UNC5D: variants seen among roughly 807,000 people sequenced by gnomAD.
UNC5D encodes netrin receptor UNC5D.
A neutral mutation model predicts 105.4 loss-of-function variants in UNC5D; 39 were observed. The observed-to-expected ratio is 0.37, with a 90% CI of 0.29 to 0.48. The LOEUF (loss-of-function observed/expected upper bound fraction) is 0.48. Ranked by LOEUF, UNC5D falls within the 20% of genes least tolerant of loss-of-function variation. The probability of loss-of-function intolerance (pLI) is 0.98; values close to 1 mark genes in which losing one functional copy is unlikely to be tolerated. For synonymous variants in UNC5D, 452 were observed against 450.4 expected (o/e 1.00, Z -0.04); for missense variants, 991 against 1,202.4 (o/e 0.82, Z 2.60).
chr8:35,723,832 A>G (rs1049264094), intron 9 of UNC5D, among the ~76,000 whole-genome samples: 4 of 152,144 alleles, frequency 2.6e-5, no homozygotes, highest in African/African-American at 9.7e-5. Flanking sequence ...AGTTTTGTGC[A>G]TAAGTCCGTA....
intron 1 of UNC5D, among the ~76,000 whole-genome samples, chr8:35,389,241 C>T (rs904828847): frequency 9.2e-5 from 14 of 152,156 alleles, no homozygotes; most frequent in African/African-American, 2.9e-4. Flanking sequence ...ATTGAGAAAT[C>T]CTGCATTATT....
chr8:35,329,400 GATATATATATATAT>G (rs36221011), intron 1 of UNC5D, among the ~76,000 whole-genome samples: 2 of 147,384 alleles, frequency 1.4e-5, no homozygotes, highest in South Asian at 2.2e-4. Flanking sequence ...TTATTGGGTT[GATATATATATATAT>G]ATATATATAT....
chr8:35,343,906 C>A (rs932631141), intron 1 of UNC5D, among the ~76,000 whole-genome samples: 1 of 152,066 alleles, frequency 6.6e-6, no homozygotes, highest in African/African-American at 2.4e-5. Context: ...AAGTTATTAA[C>A]CTATACGAGA....
chr8:35,246,096 G>A (rs1803076868), intron 1 of UNC5D, among the ~76,000 whole-genome samples: 1 of 152,100 alleles, frequency 6.6e-6, no homozygotes, highest in Non-Finnish European at 1.5e-5. Context: ...ACAATTATGT[G>A]TACTTGAAAC....
At chr8:35,412,962 T>C (rs1258573882) in intron 1 of UNC5D, among the ~76,000 whole-genome samples, 1 of 152,120 alleles carries the variant, frequency 6.6e-6, no homozygotes, top group East Asian at 1.9e-4. Flanking sequence ...ATAACACACG[T>C]GTGGGTCTCA....
chr8:35,686,804 G>A lies in UNC5D; in HGVS notation c.1084+95G>A. On this transcript the variant is annotated intron_variant, in intron 7 of 16. Transcript: ENST00000404895. The stretch of plus-strand genomic sequence containing the variant: ...TACAGCCATTAATGTGGTTAAATAA[G>A]TTAGCAGAAAGCCAAGCTGCTAAGG... The A allele has an allele frequency of 1.1e-5, 16 of 1,460,598 alleles. No individual in the cohort carries two copies. The South Asian group carries it at 2.2e-4, about 20-fold the overall frequency. The allele number at this position is 1,460,598 out of a possible 1,614,324, so 90.5% of individuals were successfully genotyped here.
At chr8:35,755,257 A>G (rs7840766) in intron 13 of UNC5D, among the ~76,000 whole-genome samples, 11,418 of 152,202 alleles carry the variant, frequency 0.075, 1,170 homozygotes, top group African/African-American at 0.23. Flanking sequence ...AAGAAAGAAA[A>G]TAGAAAAAAA....
intron 4 of UNC5D, among the ~76,000 whole-genome samples, chr8:35,595,874 G>A (rs1487621880): frequency 6.6e-6 from 1 of 152,196 alleles, no homozygotes; most frequent in Non-Finnish European, 1.5e-5. Context: ...CAAGGCCCTT[G>A]GTAGGCAGCC....
chr8:35,689,895 A>G (rs1826269924), intron 7 of UNC5D, among the ~76,000 whole-genome samples: 3 of 152,228 alleles, frequency 2.0e-5, no homozygotes. Context: ...AAGTTGGCAC[A>G]TAAAATTAAC....
At chr8:35,672,060 CT>C (rs529292576) in intron 4 of UNC5D, among the ~76,000 whole-genome samples, 31 of 152,050 alleles carry the variant, frequency 2.0e-4, no homozygotes, top group African/African-American at 7.5e-4. Flanking sequence ...TATTTTTATT[CT>C]TTGTAGACTT....
At chr8:35,454,927 T>C (rs1215056579) in intron 1 of UNC5D, among the ~76,000 whole-genome samples, 1 of 152,208 alleles carries the variant, frequency 6.6e-6, no homozygotes, top group Non-Finnish European at 1.5e-5. Context: ...AGAAGTCATT[T>C]AGAAGTCAAA....
intron 1 of UNC5D, among the ~76,000 whole-genome samples, chr8:35,368,162 A>G (rs1228568877): frequency 1.3e-5 from 2 of 152,218 alleles, no homozygotes; most frequent in Admixed American, 1.3e-4. Flanking sequence ...ATTTAGATTG[A>G]AAACATTATC....
intron 4 of UNC5D, among the ~76,000 whole-genome samples, chr8:35,674,016 G>GTT (rs1355937786): frequency 6.6e-6 from 1 of 152,146 alleles, no homozygotes; most frequent in East Asian, 1.9e-4. Flanking sequence ...GCTTGAGTAA[G>GTT]TTTTTGATGT....
At chr8:35,616,499 G>A (rs1056399204) in intron 4 of UNC5D, among the ~76,000 whole-genome samples, 5 of 152,170 alleles carry the variant, frequency 3.3e-5, no homozygotes, top group Admixed American at 6.5e-5. Flanking sequence ...CTGCCCGATT[G>A]CAGTTAACTC....
intron 1 of UNC5D, among the ~76,000 whole-genome samples, chr8:35,317,343 T>C (rs1809384562): frequency 6.6e-6 from 1 of 152,138 alleles, no homozygotes; most frequent in Admixed American, 6.6e-5. Context: ...TCTGTAAATG[T>C]TTGAAAGAAG....
rs1464891646 is a variant in UNC5D, at chr8:35,731,401, A to G, written c.1766+305A>G. ...GGGCAACAGTGAGACTCTGTCTCCA[A>G]AAAAAAAAAAAAAAAAAAAAAAAAA... On this transcript the variant is annotated intron_variant, in intron 11 of 16. Transcript: ENST00000404895. Among the ~76,000 whole-genome samples the G allele has an allele frequency of 2.7e-5, 3 of 109,934 alleles. No individual in the cohort carries two copies. In the East Asian group the frequency reaches 1.1e-3, roughly 41 times the overall value. 72.1% of individuals were successfully genotyped at this position (109,934 alleles called of 152,430 possible).
At chr8:35,695,526 A>T (rs1188019445) in intron 7 of UNC5D, among the ~76,000 whole-genome samples, 1 of 151,916 alleles carries the variant, frequency 6.6e-6, no homozygotes, top group Non-Finnish European at 1.5e-5. Context: ...ACAGGGCAAG[A>T]CTCTGTCTCT....
chr8:35,258,975 G>A (rs371368251), intron 1 of UNC5D, among the ~76,000 whole-genome samples: 12 of 152,150 alleles, frequency 7.9e-5, no homozygotes, highest in African/African-American at 1.4e-4. Flanking sequence ...ACCAAAGCCC[G>A]TTATCTGGAG....
intron 4 of UNC5D, among the ~76,000 whole-genome samples, chr8:35,604,380 C>A (rs182968201): frequency 5.5e-4 from 84 of 152,362 alleles, no homozygotes; most frequent in African/African-American, 2.0e-3. Context: ...CCCCCACCCT[C>A]TTCTGGCTTG....
Sources: gnomAD v4.1 joint callset for allele counts (sites outside exome capture counted in the v4.1 genomes callset) on GRCh38, gnomAD v4.1.1 for gene constraint, MANE v1.5 for transcripts, NCBI Gene and HGNC (gene_info 2026-07-23, HGNC 2026-07-21) for gene names.